The following SLC8A1 variants were observed in gnomAD, a reference collection of about 807,000 sequenced individuals.
SLC8A1 encodes solute carrier family 8 member A1, also known as sodium/calcium exchanger 1.
In SLC8A1, 18 loss-of-function variants were observed where a neutral mutation model predicts 68.3. That is an observed-to-expected ratio of 0.26 (90% confidence interval 0.18 to 0.39). SLC8A1 has a LOEUF of 0.39. SLC8A1 is among the 10% of genes least tolerant of loss of function. The probability of loss-of-function intolerance (pLI) is 1.00; values close to 1 mark genes in which losing one functional copy is unlikely to be tolerated. For missense variants in SLC8A1, 985 were observed against 1,156.7 expected, an observed-to-expected ratio of 0.85 and a Z score of 2.15; for synonymous variants, 475 against 415.5, an observed-to-expected ratio of 1.14 and a Z score of -1.74.
At chr2:40,225,061 G>A (rs2058799650) in intron 2 of SLC8A1, among the ~76,000 whole-genome samples, 1 of 152,104 alleles carries the variant, frequency 6.6e-6, no homozygotes, top group African/African-American at 2.4e-5. Flanking sequence ...CAGCTTCCCT[G>A]AAGGTTTGAA....
intron 1 of SLC8A1, among the ~76,000 whole-genome samples, chr2:40,430,854 G>A (rs77189383): frequency 0.033 from 5,064 of 152,140 alleles, 120 homozygotes; most frequent in South Asian, 0.082. Context: ...TATCTTAAAC[G>A]CCAGAGAGCA....
intron 2 of SLC8A1, among the ~76,000 whole-genome samples, chr2:40,228,848 A>C (rs1026292950): frequency 2.0e-5 from 3 of 152,118 alleles, no homozygotes; most frequent in Non-Finnish European, 2.9e-5. Flanking sequence ...AGCTATACCT[A>C]TTGTTAGAGA....
At chr2:40,138,950 T>C (rs1450879356) in intron 7 of SLC8A1, among the ~76,000 whole-genome samples, 4 of 152,230 alleles carry the variant, frequency 2.6e-5, no homozygotes, top group Non-Finnish European at 5.9e-5. Flanking sequence ...AAGAGAATAT[T>C]TTATCAGGTC....
intron 1 of SLC8A1, among the ~76,000 whole-genome samples, 168 bp downstream of exon 1, chr2:40,451,736 A>G (rs1321634811): frequency 1.1e-4 from 5 of 46,414 alleles, no homozygotes; most frequent in Admixed American, 2.4e-4. Context: ...CACACACCAC[A>G]TCACACACAC....
chr2:40,134,485 C>T (rs922084114), intron 7 of SLC8A1, among the ~76,000 whole-genome samples: 5 of 152,080 alleles, frequency 3.3e-5, no homozygotes, highest in Admixed American at 6.6e-5. Context: ...AAAAAAATAC[C>T]TTGCTCCTCA....
intron 2 of SLC8A1, among the ~76,000 whole-genome samples, chr2:40,240,773 G>A (rs980298544): frequency 2.6e-5 from 4 of 152,152 alleles, no homozygotes; most frequent in African/African-American, 7.2e-5. Context: ...AGCTACTTAG[G>A]AGACTGAGGC....
rs1698026994 is a variant in SLC8A1 at position 40,430,454 on chromosome 2, C to A, written c.-24-150G>T. The A allele has an allele frequency of 4.1e-6, 3 of 728,092 alleles. No homozygotes were observed. In the African/African-American group the frequency reaches 5.3e-5, roughly 13 times the overall value. The allele number at this position is 728,092 out of a possible 1,614,324, so 45.1% of individuals were successfully genotyped here. A position where few individuals can be genotyped will look rare whatever the true frequency, so the allele number is the denominator to read the frequency against. On this transcript the variant is annotated intron_variant, in intron 1 of 7. Coordinates refer to ENST00000406785, the Ensembl canonical transcript of SLC8A1. Reference sequence around the variant, plus strand: ...AAACCGAAATTTGTTTATATTTGACCATCACAAAATCTATGGTGAATGATT... The same window carrying A: ...AAACCGAAATTTGTTTATATTTGACAATCACAAAATCTATGGTGAATGATT...
chr2:40,131,920 C>T (rs867187452), intron 7 of SLC8A1, among the ~76,000 whole-genome samples: 3 of 100,948 alleles, frequency 3.0e-5, no homozygotes, highest in Non-Finnish European at 5.6e-5. Context: ...TTTCAGTTGT[C>T]TTAGTGATTA....
At chr2:40,261,320 G>A (rs965645921) in intron 2 of SLC8A1, among the ~76,000 whole-genome samples, 1 of 152,126 alleles carries the variant, frequency 6.6e-6, no homozygotes, top group Non-Finnish European at 1.5e-5. Flanking sequence ...TCATTTTTCA[G>A]CTCTTTTCAG....
intron 1 of SLC8A1, among the ~76,000 whole-genome samples, chr2:40,432,514 C>T (rs536841948): frequency 1.0e-4 from 15 of 147,886 alleles, no homozygotes; most frequent in East Asian, 2.0e-4. Context: ...TGAGCAAAGT[C>T]CTGAAGGACA....
intron 2 of SLC8A1, among the ~76,000 whole-genome samples, chr2:40,196,440 T>A (rs2053038670): frequency 6.6e-6 from 1 of 151,978 alleles, no homozygotes; most frequent in South Asian, 2.1e-4. Context: ...GGAAGGAACA[T>A]AATATTAGAC....
chr2:40,145,869 A>C (rs149399390), intron 6 of SLC8A1, among the ~76,000 whole-genome samples: 1 of 152,258 alleles, frequency 6.6e-6, no homozygotes, highest in African/African-American at 2.4e-5. Context: ...ACATGCTTTT[A>C]CCTTATGTCT....
intron 5 of SLC8A1, among the ~76,000 whole-genome samples, chr2:40,163,243 C>T (rs539639370): frequency 1.0e-3 from 157 of 152,244 alleles, no homozygotes; most frequent in Non-Finnish European, 1.6e-3. Context: ...AGACTGTGCC[C>T]GGCCTTGCTT....
intron 2 of SLC8A1, among the ~76,000 whole-genome samples, chr2:40,324,238 G>C (rs1178512101): frequency 6.6e-6 from 1 of 152,108 alleles, no homozygotes; most frequent in Non-Finnish European, 1.5e-5. Flanking sequence ...TAAAAGTAGA[G>C]GTAGCATGAA....
intron 2 of SLC8A1, among the ~76,000 whole-genome samples, chr2:40,359,769 C>A (rs951914902): frequency 5.3e-5 from 8 of 151,992 alleles, no homozygotes; most frequent in Non-Finnish European, 1.2e-4. Flanking sequence ...ATAATAGAGG[C>A]ATGGATTCAT....
chr2:40,350,360 A>T (rs950575343), intron 2 of SLC8A1, among the ~76,000 whole-genome samples: 3 of 151,956 alleles, frequency 2.0e-5, no homozygotes, highest in African/African-American at 7.2e-5. Flanking sequence ...GTAGGCCTGT[A>T]GTCCCAGCTA....
chr2:40,371,695 A>G (rs1678142787), intron 2 of SLC8A1, among the ~76,000 whole-genome samples: 1 of 152,146 alleles, frequency 6.6e-6, no homozygotes, highest in South Asian at 2.1e-4. Flanking sequence ...TAAAGAGGAA[A>G]CAAGAGAGAA....
intron 2 of SLC8A1, among the ~76,000 whole-genome samples, chr2:40,382,630 T>G (rs961343564): frequency 6.6e-6 from 1 of 151,068 alleles, no homozygotes; most frequent in South Asian, 2.1e-4. Context: ...AAAATATGTA[T>G]GAACTCTGCA....
At chr2:40,152,206 T>A (rs895697670) in intron 6 of SLC8A1, among the ~76,000 whole-genome samples, 1 of 152,220 alleles carries the variant, frequency 6.6e-6, no homozygotes, top group African/African-American at 2.4e-5. Context: ...ACAGAAAGTA[T>A]GTATTTCTTG....
Sources: allele counts gnomAD v4.1 joint callset (sites outside exome capture counted in the v4.1 genomes callset), GRCh38; gene constraint gnomAD v4.1.1; transcripts MANE v1.5; gene names NCBI Gene and HGNC (gene_info 2026-07-23, HGNC 2026-07-21).